Variants in EBF1 observed in about 807,000 individuals in gnomAD.
The protein encoded by EBF1 is EBF transcription factor 1.
EBF1 carries 10 observed loss-of-function variants against 68.4 expected under a neutral mutation model. The observed-to-expected ratio is 0.15, with a 90% CI of 0.09 to 0.25. EBF1 has a LOEUF of 0.25. Among genes scored for constraint, EBF1 ranks in the 10% least tolerant of loss-of-function variants. The pLI, the probability that EBF1 is intolerant of heterozygous loss-of-function variation, is 1.00. For synonymous variants in EBF1, 298 were observed against 299.8 expected, an observed-to-expected ratio of 0.99 and a Z score of 0.06; for missense variants, 509 against 794.4, an observed-to-expected ratio of 0.64 and a Z score of 4.32.
At chr5:159,055,144 T>A (rs189608997) in intron 6 of EBF1, among the ~76,000 whole-genome samples, 26 of 152,338 alleles carry the variant, frequency 1.7e-4, no homozygotes, top group Admixed American at 1.6e-3. Context: ...TTGAGAATAT[T>A]GTTGGTTATT....
At chr5:158,769,370 G>T (rs1175255447) in intron 10 of EBF1, among the ~76,000 whole-genome samples, 1 of 151,896 alleles carries the variant, frequency 6.6e-6, no homozygotes, top group Non-Finnish European at 1.5e-5. Context: ...AGGCCTCGTG[G>T]CCATTTAGAC....
At chr5:159,096,004 A>G (rs534652845) in intron 3 of EBF1, among the ~76,000 whole-genome samples, 1 of 152,232 alleles carries the variant, frequency 6.6e-6, no homozygotes, top group Non-Finnish European at 1.5e-5. Context: ...CTTCAAGGCC[A>G]TGACCCTTCA....
intron 6 of EBF1, among the ~76,000 whole-genome samples, chr5:158,857,608 G>T (rs927839166): frequency 1.3e-5 from 2 of 152,166 alleles, no homozygotes; most frequent in Non-Finnish European, 2.9e-5. Context: ...AAAAGTAAGT[G>T]TAAGTGCTTT....
chr5:158,751,054 A>G (rs1278680637), intron 10 of EBF1, among the ~76,000 whole-genome samples: 1 of 152,166 alleles, frequency 6.6e-6, no homozygotes, highest in Non-Finnish European at 1.5e-5. Flanking sequence ...AACAGGATAT[A>G]AAACTGTGTG....
chr5:158,808,655 T>C, intron 8 of EBF1, among the ~76,000 whole-genome samples: 1 of 152,112 alleles, frequency 6.6e-6, no homozygotes, highest in East Asian at 1.9e-4. Flanking sequence ...GTTGTAAGGT[T>C]TGAATGAGTT....
chr5:158,753,877 T>TATTC (rs1240337413), intron 10 of EBF1, among the ~76,000 whole-genome samples: 1 of 152,068 alleles, frequency 6.6e-6, no homozygotes. Flanking sequence ...CCTGCATGAG[T>TATTC]ATTCTATAAA....
chr5:158,931,939 T>A (rs149696057), intron 6 of EBF1, among the ~76,000 whole-genome samples: 1 of 152,334 alleles, frequency 6.6e-6, no homozygotes, highest in African/African-American at 2.4e-5. Flanking sequence ...TCTTCACAGT[T>A]TTTTTTGTTT....
chr5:158,984,250 T>C (rs1758496324), intron 6 of EBF1, among the ~76,000 whole-genome samples: 1 of 152,208 alleles, frequency 6.6e-6, no homozygotes, highest in African/African-American at 2.4e-5. Context: ...CTCACCTGAT[T>C]TGAAAATTGA....
intron 4 of EBF1, among the ~76,000 whole-genome samples, chr5:159,090,503 G>A (rs568712732): frequency 2.6e-5 from 4 of 152,124 alleles, no homozygotes; most frequent in Non-Finnish European, 5.9e-5. Context: ...AAGCAGGCCC[G>A]TTTTCAGAAG....
chr5:158,934,319 TACACACATAC>T (rs1015911030), intron 6 of EBF1, among the ~76,000 whole-genome samples: 1 of 152,180 alleles, frequency 6.6e-6, no homozygotes, highest in Non-Finnish European at 1.5e-5. Flanking sequence ...CACATACACA[TACACACATAC>T]ACACTCGTAC....
intron 10 of EBF1, among the ~76,000 whole-genome samples, chr5:158,743,296 A>G (rs1319387867): frequency 2.0e-5 from 3 of 152,236 alleles, no homozygotes; most frequent in Non-Finnish European, 4.4e-5. Flanking sequence ...TCCAGGCAAT[A>G]GGAACAGAAA....
intron 9 of EBF1, among the ~76,000 whole-genome samples, chr5:158,783,346 A>G (rs933205650): frequency 1.3e-5 from 2 of 152,192 alleles, no homozygotes; most frequent in Non-Finnish European, 2.9e-5. Context: ...TTAGATGCGT[A>G]TTTGCACAGA....
intron 6 of EBF1, among the ~76,000 whole-genome samples, chr5:158,889,192 G>A (rs1392368397): frequency 6.6e-6 from 1 of 152,128 alleles, no homozygotes; most frequent in African/African-American, 2.4e-5. Flanking sequence ...TGTATGCCTG[G>A]CCTATGGTAA....
At chr5:158,812,099 C>T (rs1782783135) in intron 8 of EBF1, among the ~76,000 whole-genome samples, 2 of 152,140 alleles carry the variant, frequency 1.3e-5, no homozygotes, top group East Asian at 1.9e-4. Flanking sequence ...TGACAGTCTA[C>T]GTCATAATGC....
intron 6 of EBF1, among the ~76,000 whole-genome samples, chr5:159,050,719 C>A (rs1276253017): frequency 6.6e-6 from 1 of 152,222 alleles, no homozygotes; most frequent in African/African-American, 2.4e-5. Context: ...GCTAGCCAGT[C>A]TGGCTGGGTT....
intron 10 of EBF1, among the ~76,000 whole-genome samples, chr5:158,741,701 G>A (rs2127571943): frequency 6.6e-6 from 1 of 152,036 alleles, no homozygotes; most frequent in Non-Finnish European, 1.5e-5. Context: ...ATATCTCATA[G>A]CATCCCATTA....
chr5:158,969,750 G>C (rs1480168107), intron 6 of EBF1, among the ~76,000 whole-genome samples: 1 of 151,020 alleles, frequency 6.6e-6, no homozygotes, highest in Non-Finnish European at 1.5e-5. Context: ...ATTCGAGCTT[G>C]GGTGATAGAG....
intron 6 of EBF1, among the ~76,000 whole-genome samples, chr5:158,866,863 A>ATATATATATATGTATATG (rs1796000826): frequency 1.7e-5 from 1 of 58,578 alleles, no homozygotes; most frequent in Non-Finnish European, 3.6e-5. Flanking sequence ...ATATATATAT[A>ATATATATATATGTATATG]TATATATATA....
intron 14 of EBF1, among the ~76,000 whole-genome samples, chr5:158,709,514 C>T (rs532843653): frequency 2.6e-5 from 4 of 152,316 alleles, no homozygotes; most frequent in African/African-American, 9.6e-5. Context: ...TTCCCATGAG[C>T]CCACCAGAGT....
Sources: gnomAD v4.1 joint callset for allele counts (sites outside exome capture counted in the v4.1 genomes callset) on GRCh38, gnomAD v4.1.1 for gene constraint, MANE v1.5 for transcripts, NCBI Gene and HGNC (gene_info 2026-07-23, HGNC 2026-07-21) for gene names.